Variants in PHLPP1 observed in about 807,000 individuals in gnomAD.
The protein encoded by PHLPP1 is PH domain leucine-rich repeat-containing protein phosphatase 1.
In PHLPP1, 42 loss-of-function variants were observed where a neutral mutation model predicts 117.2. The observed-to-expected ratio is 0.36, with a 90% CI of 0.28 to 0.46. PHLPP1 has a LOEUF of 0.46. Ranked by LOEUF, PHLPP1 falls within the 20% of genes least tolerant of loss-of-function variation. The pLI, the probability that PHLPP1 is intolerant of heterozygous loss-of-function variation, is 1.00. For synonymous variants in PHLPP1, 1,042 were observed against 970.7 expected (o/e 1.07, Z -1.37); for missense variants, 2,084 against 2,241.9 (o/e 0.93, Z 1.42).
chr18:62,766,086 T>TATATATATA (rs1912502475), intron 1 of PHLPP1, among the ~76,000 whole-genome samples: 1 of 62,782 alleles, frequency 1.6e-5, no homozygotes, highest in African/African-American at 5.2e-5. Context: ...AATATATATA[T>TATATATATA]ATATATATAT....
At chr18:62,779,268 T>TC (rs2031232762) in intron 1 of PHLPP1, 1 of 152,126 alleles carries the variant, frequency 6.6e-6, no homozygotes. Flanking sequence ...TTTTTTTTTT[T>TC]CTTCAGGTTT....
chr18:62,819,138 T>C (rs1599063756), intron 1 of PHLPP1, among the ~76,000 whole-genome samples: 1 of 152,114 alleles, frequency 6.6e-6, no homozygotes, highest in East Asian at 1.9e-4. Flanking sequence ...CAGTAACATG[T>C]AAGGAAACAA....
chr18:62,839,242 C>T (rs765621391), intron 3 of PHLPP1: 10 of 194,126 alleles, frequency 5.2e-5, no homozygotes, highest in Non-Finnish European at 9.5e-5. Flanking sequence ...CCACAAAATA[C>T]CCAGAGAATT....
chr18:62,895,184 G>T (rs368859344), intron 5 of PHLPP1, 27 bp downstream of exon 5: 1 of 1,604,690 alleles, frequency 6.2e-7, no homozygotes, highest in Non-Finnish European at 8.5e-7. Context: ...CCACTGGCGG[G>T]TATATCCAGA....
Position 62,975,446 on chromosome 18 carries a change from C to T in PHLPP1, c.3805C>T (p.His1269Tyr), listed in dbSNP as rs1175945684. ...GCTTGGTGGTGCCGCTGTCCTTTGT[C>T]ATATCAAGCATGACCCTGTGGATCC... is the stretch of plus-strand genomic sequence containing the variant. ...QKLGGAAVLC[H>Y]IKHDPVDPGG... The change falls in exon 16 of 17, where the codon CAT becomes TAT. Residue 1269 changes from histidine (H) to tyrosine (Y), a missense_variant. His to Tyr is a moderately conservative substitution (Grantham distance 83). Transcript: ENST00000262719. 6.2e-7 allele frequency: 1 copy of T among 1,613,900 alleles called. No individual in the cohort carries two copies. Among genetic ancestry groups the T allele is most frequent in the Non-Finnish European group, 8.5e-7 (1 of 1,179,838 alleles).
chr18:62,759,752 G>A (rs546899053), intron 1 of PHLPP1, among the ~76,000 whole-genome samples: 11 of 152,274 alleles, frequency 7.2e-5, no homozygotes, highest in South Asian at 4.2e-4. Flanking sequence ...AGTTAAGAGC[G>A]GGTTTTGCCT....
At chr18:62,757,035 AAG>A (rs542844781) in intron 1 of PHLPP1, among the ~76,000 whole-genome samples, 284 of 152,322 alleles carry the variant, frequency 1.9e-3, no homozygotes, top group African/African-American at 6.3e-3. Context: ...TGATACATAA[AAG>A]AGAGACTTGA....
Position 62,715,965 on chromosome 18 carries a change from G to T in PHLPP1, c.282G>T (p.Arg94Ser). 1 of 1,214,506 alleles carries T rather than the reference G, an allele frequency of 8.2e-7. No homozygotes were observed. The highest frequency in any genetic ancestry group is 3.3e-5 in the East Asian group (1 of 29,992). 75.2% of individuals were successfully genotyped at this position (1,214,506 alleles called of 1,614,324 possible). A position where few individuals can be genotyped will look rare whatever the true frequency, so the allele number is the denominator to read the frequency against. The change falls in exon 1 of 17, where the codon AGG becomes AGT. Residue 94 changes from arginine to serine, a missense_variant. Physicochemically the swap from Arg to Ser is moderately radical, Grantham distance 110. This residue lies in a region of PHLPP1 where 719 missense variants were observed against 636.0 expected (regional missense o/e 1.13). Coordinates refer to ENST00000262719, the MANE Select transcript of PHLPP1 (RefSeq NM_194449.4). ...GAGCGGGGGGTGCCGGGCGCAGGAG[G>T]CGGCGCGGGGCGCCCCAGCCCATTG... The part of the protein sequence containing the change: ...PGRAGGAGRR[R>S]RRGAPQPIAG...
At chr18:62,773,890 A>T (rs978075754) in intron 1 of PHLPP1, among the ~76,000 whole-genome samples, 1 of 152,152 alleles carries the variant, frequency 6.6e-6, no homozygotes, top group Non-Finnish European at 1.5e-5. Context: ...TTCCTGGCTT[A>T]TAGTTGGCCA....
intron 1 of PHLPP1, among the ~76,000 whole-genome samples, chr18:62,766,679 A>G (rs1168615143): frequency 1.3e-5 from 2 of 152,176 alleles, no homozygotes; most frequent in African/African-American, 4.8e-5. Flanking sequence ...ATCTGTGTAT[A>G]TCACTCTATA....
At chr18:62,877,298 T>C (rs1916071417) in intron 4 of PHLPP1, among the ~76,000 whole-genome samples, 1 of 152,236 alleles carries the variant, frequency 6.6e-6, no homozygotes, top group Non-Finnish European at 1.5e-5. Context: ...CATGAAGACT[T>C]CTTTTAATGG....
At chr18:62,744,112 A>G (rs1479702102) in intron 1 of PHLPP1, among the ~76,000 whole-genome samples, 1 of 152,194 alleles carries the variant, frequency 6.6e-6, no homozygotes, top group African/African-American at 2.4e-5. Context: ...AGACATTGTA[A>G]AGTTCCCTTA....
chr18:62,738,052 A>G (rs1239176371), intron 1 of PHLPP1, among the ~76,000 whole-genome samples: 1 of 152,160 alleles, frequency 6.6e-6, no homozygotes, highest in African/African-American at 2.4e-5. Context: ...TAGGTAGAAC[A>G]TTAGATATAC....
chr18:62,905,250 G>T lies in PHLPP1; in HGVS notation c.2674G>T (p.Val892Phe), dbSNP rs967617482. ...NELVQLDVYP[V>F]PNYLSYMDVS... is the part of the protein sequence containing the mutation. Reference sequence around the variant, plus strand: ...ACTTGTTCAACTTGATGTTTACCCAGTTCCAAATTATCTGTCCTACATGGA... The same window carrying T: ...ACTTGTTCAACTTGATGTTTACCCATTTCCAAATTATCTGTCCTACATGGA... Residue 892 changes from valine to phenylalanine, a missense_variant, in exon 8 of 17, where the codon GTT becomes TTT. This residue lies in a region of PHLPP1 where 1,365 missense variants were observed against 1,605.9 expected (regional missense o/e 0.85). Coordinates refer to ENST00000262719, the MANE Select transcript of PHLPP1 (RefSeq NM_194449.4). 3 of 1,547,114 alleles carry T rather than the reference G, an allele frequency of 1.9e-6. No homozygotes were observed. The highest frequency in any genetic ancestry group is 1.7e-6 in the Non-Finnish European group (2 of 1,147,716).
intron 1 of PHLPP1, among the ~76,000 whole-genome samples, chr18:62,770,082 C>A (rs1278709810): frequency 6.6e-6 from 1 of 151,934 alleles, no homozygotes; most frequent in African/African-American, 2.4e-5. Context: ...TCATGTATTT[C>A]CTACTAGTCT....
intron 1 of PHLPP1, chr18:62,779,460 A>G (rs551555025): frequency 5.9e-5 from 9 of 152,276 alleles, no homozygotes; most frequent in Middle Eastern, 3.4e-3. Flanking sequence ...ATCCCAGTGC[A>G]TGGAGACACA....
At chr18:62,778,807 A>C (rs1026694027) in intron 1 of PHLPP1, among the ~76,000 whole-genome samples, 4 of 152,166 alleles carry the variant, frequency 2.6e-5, no homozygotes, top group African/African-American at 9.7e-5. Flanking sequence ...TTTATTGATT[A>C]ATGTTTATAG....
At chr18:62,869,311 G>T (rs1915844238) in intron 4 of PHLPP1, among the ~76,000 whole-genome samples, 1 of 152,054 alleles carries the variant, frequency 6.6e-6, no homozygotes. Context: ...TTGGGGAGAG[G>T]ATCTGGGGTC....
chr18:62,924,039 TTAAAC>T (rs1194334159), intron 10 of PHLPP1, among the ~76,000 whole-genome samples: 1 of 152,180 alleles, frequency 6.6e-6, no homozygotes, highest in Non-Finnish European at 1.5e-5. Context: ...AATGAAGAGT[TTAAAC>T]TAACTGCACA....
Sources: allele counts gnomAD v4.1 joint callset (sites outside exome capture counted in the v4.1 genomes callset), GRCh38; gene constraint gnomAD v4.1.1; regional missense constraint gnomAD v4.1.1; transcripts MANE v1.5; gene names NCBI Gene and HGNC (gene_info 2026-07-23, HGNC 2026-07-21).